The following RIT2 variants were observed in gnomAD, a reference collection of about 807,000 sequenced individuals.
RIT2 encodes GTP-binding protein Rit2.
Under a neutral mutation model 23.7 loss-of-function variants are expected in RIT2, and 24 were observed. That is an observed-to-expected ratio of 1.01 (90% CI 0.73 to 1.43). The LOEUF is 1.43. Ranked by LOEUF, RIT2 falls within the 40% of genes most tolerant of loss-of-function variation. The probability of loss-of-function intolerance (pLI) is 0.00; values close to 1 mark genes in which losing one functional copy is unlikely to be tolerated. For missense variants in RIT2, 236 were observed against 266.9 expected (o/e 0.88, Z 0.81); for synonymous variants, 107 against 91.1 (o/e 1.17, Z -0.99).
chr18:42,999,064 C>T (rs748068872), intron 2 of RIT2, among the ~76,000 whole-genome samples: 11 of 151,988 alleles, frequency 7.2e-5, no homozygotes, highest in Non-Finnish European at 1.3e-4. Flanking sequence ...AAATGTCTAC[C>T]TCAGTGTTTC....
Position 42,745,746 on chromosome 18 carries a change from C to T in RIT2, c.427-2026G>A, listed in dbSNP as rs143719771. 2.9e-4 allele frequency among the ~76,000 whole-genome samples: 44 copies of T among 152,254 alleles called. No individual in the cohort carries two copies. In the East Asian group the frequency reaches 8.1e-3, roughly 28 times the overall value. The stretch of plus-strand genomic sequence containing the variant: ...AACTTCCCTGATTTTCAAGTTATCA[C>T]AAGTGGTAATCTTACCAAATGGTAT... On this transcript the variant is annotated intron_variant, in intron 4 of 4. Coordinates refer to ENST00000326695, the MANE Select transcript of RIT2 (RefSeq NM_002930.4).
At chr18:42,765,927 T>C (rs1020696761) in intron 4 of RIT2, among the ~76,000 whole-genome samples, 11 of 152,060 alleles carry the variant, frequency 7.2e-5, no homozygotes, top group African/African-American at 2.2e-4. Flanking sequence ...GGGGGTTCCA[T>C]TTTTGCTTCT....
At chr18:42,787,399 C>A (rs1790166367) in intron 4 of RIT2, among the ~76,000 whole-genome samples, 1 of 150,614 alleles carries the variant, frequency 6.6e-6, no homozygotes, top group Admixed American at 6.6e-5. Flanking sequence ...ACGTTGTGCA[C>A]ATGTACCCTA....
chr18:42,877,986 GT>G (rs1218452945), intron 4 of RIT2, among the ~76,000 whole-genome samples: 5 of 151,718 alleles, frequency 3.3e-5, no homozygotes, highest in African/African-American at 1.2e-4. Context: ...ACCATATTAT[GT>G]ATGTGCAAAT....
chr18:43,019,710 T>C (rs1302093838), intron 2 of RIT2, among the ~76,000 whole-genome samples: 1 of 152,012 alleles, frequency 6.6e-6, no homozygotes, highest in African/African-American at 2.4e-5. Context: ...GAGAACAATA[T>C]GAAAGACAAC....
chr18:42,979,740 G>T (rs964186449), intron 2 of RIT2, among the ~76,000 whole-genome samples: 3 of 152,108 alleles, frequency 2.0e-5, no homozygotes, highest in African/African-American at 7.2e-5. Flanking sequence ...GGTTCAATAT[G>T]TATTTGAGTA....
At chr18:43,004,429 A>G (rs931036655) in intron 2 of RIT2, among the ~76,000 whole-genome samples, 1 of 151,856 alleles carries the variant, frequency 6.6e-6, no homozygotes, top group African/African-American at 2.4e-5. Context: ...ATTTCTATTT[A>G]TCTCAAGGGG....
chr18:42,955,578 C>T (rs1011263999), intron 3 of RIT2, among the ~76,000 whole-genome samples: 2 of 152,178 alleles, frequency 1.3e-5, no homozygotes, highest in African/African-American at 4.8e-5. Context: ...AAGTCAATGT[C>T]AGAGCAGAGG....
chr18:42,893,502 G>A (rs1483999102), intron 4 of RIT2, among the ~76,000 whole-genome samples: 1 of 152,080 alleles, frequency 6.6e-6, no homozygotes, highest in Non-Finnish European at 1.5e-5. Context: ...TAACAGCAGA[G>A]AGCCTTGATG....
chr18:42,876,726 C>T (rs1331359346), intron 4 of RIT2, among the ~76,000 whole-genome samples: 2 of 151,210 alleles, frequency 1.3e-5, no homozygotes, highest in African/African-American at 2.4e-5. Flanking sequence ...AAGTAATAGC[C>T]AAGAAGTAAT....
intron 3 of RIT2, among the ~76,000 whole-genome samples, chr18:42,933,321 T>G (rs1909373738): frequency 6.6e-6 from 1 of 152,204 alleles, no homozygotes; most frequent in South Asian, 2.1e-4. Context: ...TTAAAGGACA[T>G]GCCTGTACAA....
chr18:42,906,035 T>C (rs976625462), intron 4 of RIT2, among the ~76,000 whole-genome samples: 5 of 141,842 alleles, frequency 3.5e-5, no homozygotes, highest in African/African-American at 1.3e-4. Context: ...TATATATATA[T>C]ACATATATAT....
chr18:42,986,408 G>A (rs1910710725), intron 2 of RIT2, among the ~76,000 whole-genome samples: 1 of 152,164 alleles, frequency 6.6e-6, no homozygotes, highest in South Asian at 2.1e-4. Context: ...AAAGACTTAG[G>A]GTTAGCTTTC....
chr18:42,914,722 G>A (rs995307351), intron 4 of RIT2, among the ~76,000 whole-genome samples: 1 of 151,884 alleles, frequency 6.6e-6, no homozygotes, highest in African/African-American at 2.4e-5. Context: ...GGCTACACAC[G>A]TGACATAATT....
At chr18:42,759,712 TACACACACACACACACAC>T (rs59733922) in intron 4 of RIT2, among the ~76,000 whole-genome samples, 8 of 131,662 alleles carry the variant, frequency 6.1e-5, no homozygotes, top group African/African-American at 8.7e-5. Context: ...GTGTTAAATC[TACACACACACACACACAC>T]ACACACACAC....
intron 2 of RIT2, among the ~76,000 whole-genome samples, chr18:42,989,511 A>T (rs1910790055): frequency 6.6e-6 from 1 of 152,240 alleles, no homozygotes; most frequent in Non-Finnish European, 1.5e-5. Flanking sequence ...ATGTCATTTG[A>T]ATGTCTGCAA....
At chr18:43,095,414 A>G (rs1430140330) in intron 1 of RIT2, among the ~76,000 whole-genome samples, 2 of 151,468 alleles carry the variant, frequency 1.3e-5, no homozygotes, top group African/African-American at 4.8e-5. Flanking sequence ...GGGTTAAAAA[A>G]TGACGAGTTG....
intron 2 of RIT2, among the ~76,000 whole-genome samples, chr18:42,986,324 C>T (rs1489052018): frequency 5.3e-5 from 8 of 150,784 alleles, no homozygotes; most frequent in African/African-American, 7.3e-5. Context: ...GCACCTTGCC[C>T]GGCCCATATC....
At chr18:42,839,785 A>G (rs1906714384) in intron 4 of RIT2, among the ~76,000 whole-genome samples, 3 of 152,170 alleles carry the variant, frequency 2.0e-5, no homozygotes, top group South Asian at 4.1e-4. Flanking sequence ...GACCATACCT[A>G]AAAATAAAAT....
Sources: gnomAD v4.1 joint callset for allele counts (sites outside exome capture counted in the v4.1 genomes callset) on GRCh38, gnomAD v4.1.1 for gene constraint, MANE v1.5 for transcripts, NCBI Gene and HGNC (gene_info 2026-07-23, HGNC 2026-07-21) for gene names.